Variants in SLC16A12 observed in about 807,000 individuals in gnomAD.
SLC16A12 encodes the protein solute carrier family 16 member 12.
SLC16A12 carries 17 observed loss-of-function variants against 42.4 expected under a neutral mutation model. The observed-to-expected ratio is 0.40, with a 90% CI of 0.27 to 0.60. The LOEUF is 0.60. Ranked by LOEUF, SLC16A12 falls within the 20% of genes least tolerant of loss-of-function variation. The probability of loss-of-function intolerance (pLI) is 0.42; values close to 1 mark genes in which losing one functional copy is unlikely to be tolerated. For synonymous variants in SLC16A12, 224 were observed against 229.4 expected (o/e 0.98, Z 0.21); for missense variants, 544 against 623.0 (o/e 0.87, Z 1.35).
chr10:89,443,813 C>T lies in SLC16A12; in HGVS notation c.247G>A (p.Asp83Asn). The T allele has an allele frequency of 6.2e-7, 1 of 1,613,986 alleles. No individual in the cohort carries two copies. The highest frequency in any genetic ancestry group is 1.3e-5 in the African/African-American group (1 of 75,024). ...FVEFQTYFTQ[D>N]YAQTAWIHSI... ...TGGATCCATGCCGTTTGTGCGTAATCCTGAGTGAAGTATGTCTGGAACTCC... is the reference window on the plus strand; with the variant it reads ...TGGATCCATGCCGTTTGTGCGTAATTCTGAGTGAAGTATGTCTGGAACTCC... The change falls in exon 4 of 8, where the codon GAT becomes AAT. Residue 83 changes from aspartate (D) to asparagine (N), a missense_variant. Transcript: ENST00000371790.
intron 2 of SLC16A12, among the ~76,000 whole-genome samples, chr10:89,480,590 A>C: frequency 6.6e-6 from 1 of 152,236 alleles, no homozygotes; most frequent in Admixed American, 6.5e-5. Flanking sequence ...TAGGTACAAA[A>C]AAATGCTTAA....
chr10:89,440,430 C>A (rs185997354), intron 5 of SLC16A12, among the ~76,000 whole-genome samples: 33 of 152,314 alleles, frequency 2.2e-4, no homozygotes, highest in Non-Finnish European at 1.8e-4. Flanking sequence ...AGGTTACGTC[C>A]TTTATTGACC....
intron 2 of SLC16A12, among the ~76,000 whole-genome samples, chr10:89,515,909 C>T (rs898671411): frequency 4.6e-5 from 7 of 152,136 alleles, no homozygotes; most frequent in African/African-American, 1.7e-4. Flanking sequence ...ACCAGTACTG[C>T]CTTGCAGAGC....
chr10:89,536,700 C>T (rs562673819), upstream of SLC16A12, among the ~76,000 whole-genome samples: 1 of 152,154 alleles, frequency 6.6e-6, no homozygotes, highest in South Asian at 2.1e-4. Context: ...AGACCAACAG[C>T]GAGGTCATCA....
intron 2 of SLC16A12, among the ~76,000 whole-genome samples, chr10:89,485,780 G>T (rs141441111): frequency 5.3e-5 from 8 of 152,302 alleles, no homozygotes; most frequent in African/African-American, 1.7e-4. Context: ...GGAGAGCAGC[G>T]TGTGTAGATC....
chr10:89,554,083 A>AAGGAAGGAAGGAAGGAAGGAAGGAAG (rs1843789966), intron 2 of SLC16A12, among the ~76,000 whole-genome samples: 8 of 53,270 alleles, frequency 1.5e-4, no homozygotes, highest in Non-Finnish European at 2.3e-4. Context: ...AAAGAAAGAA[A>AAGGAAGGAAGGAAGGAAGGAAGGAAG]GAAAGAAAGA....
chr10:89,433,409 G>T lies in SLC16A12; in HGVS notation c.1289-83C>A. 9 of 1,392,390 alleles carry T rather than the reference G, an allele frequency of 6.5e-6. No homozygotes were observed. In the South Asian group the frequency reaches 7.3e-5, roughly 11 times the overall value. The allele number at this position is 1,392,390 out of a possible 1,614,324, so 86.3% of individuals were successfully genotyped here. ...CTCTCAAATTCTAATGATTTGTAAG[G>T]ATAATAATAGATCGATAGCACCACC... On this transcript the variant is annotated intron_variant, in intron 7 of 7. Coordinates refer to ENST00000371790, the MANE Select transcript of SLC16A12 (RefSeq NM_213606.4).
chr10:89,482,038 A>G (rs1026408877), intron 2 of SLC16A12, among the ~76,000 whole-genome samples: 17 of 152,310 alleles, frequency 1.1e-4, no homozygotes, highest in Non-Finnish European at 2.1e-4. Context: ...TAGTTTTAGA[A>G]TCTTTGAATG....
intron 2 of SLC16A12, among the ~76,000 whole-genome samples, chr10:89,463,238 A>C (rs10887964): frequency 0.24 from 36,728 of 152,088 alleles, 4,715 homozygotes; most frequent in African/African-American, 0.3. Context: ...TATAACATAG[A>C]CTAATTATTA....
chr10:89,542,944 C>T (rs772634543), intron 2 of SLC16A12, among the ~76,000 whole-genome samples: 14 of 152,144 alleles, frequency 9.2e-5, no homozygotes, highest in African/African-American at 1.4e-4. Context: ...TCTGTGAAGT[C>T]GCCATGCACA....
chr10:89,504,879 A>G (rs1364583573), intron 2 of SLC16A12, among the ~76,000 whole-genome samples: 1 of 152,182 alleles, frequency 6.6e-6, no homozygotes, highest in Non-Finnish European at 1.5e-5. Flanking sequence ...AGGAACATGC[A>G]GCCCCGAGCA....
intron 2 of SLC16A12, among the ~76,000 whole-genome samples, chr10:89,507,710 T>C (rs781287871): frequency 2.0e-4 from 30 of 152,146 alleles, no homozygotes; most frequent in Non-Finnish European, 3.8e-4. Flanking sequence ...AATGACAGGA[T>C]CAAATTCACA....
intron 2 of SLC16A12, among the ~76,000 whole-genome samples, chr10:89,479,129 G>A (rs1842624360): frequency 6.6e-6 from 1 of 152,224 alleles, no homozygotes; most frequent in Non-Finnish European, 1.5e-5. Context: ...ATAGCCGCAT[G>A]TTTAGTACCT....
intron 3 of SLC16A12, among the ~76,000 whole-genome samples, chr10:89,453,989 AC>A (rs2133722201): frequency 6.7e-6 from 1 of 149,082 alleles, no homozygotes; most frequent in Non-Finnish European, 1.5e-5. Flanking sequence ...TCTCTCTTTA[AC>A]CTTTTTACTT....
At chr10:89,440,599 A>G (rs1485071950) in intron 5 of SLC16A12, among the ~76,000 whole-genome samples, 3 of 152,192 alleles carry the variant, frequency 2.0e-5, no homozygotes, top group Non-Finnish European at 4.4e-5. Flanking sequence ...TTTCCATGGC[A>G]TTTATTATGA....
intron 3 of SLC16A12, among the ~76,000 whole-genome samples, chr10:89,453,636 G>A (rs759132677): frequency 6.6e-6 from 1 of 152,112 alleles, no homozygotes; most frequent in Non-Finnish European, 1.5e-5. Flanking sequence ...TGCAGTACGC[G>A]CTACTTTCTA....
At chr10:89,488,243 A>T (rs1842793408) in intron 2 of SLC16A12, among the ~76,000 whole-genome samples, 1 of 152,014 alleles carries the variant, frequency 6.6e-6, no homozygotes, top group Non-Finnish European at 1.5e-5. Flanking sequence ...AAATTTTTTT[A>T]AAAGATCCAT....
intron 2 of SLC16A12, among the ~76,000 whole-genome samples, chr10:89,487,411 A>T (rs1412353879): frequency 6.6e-6 from 1 of 152,102 alleles, no homozygotes; most frequent in Non-Finnish European, 1.5e-5. Flanking sequence ...AGTTAATAAA[A>T]CCTCTATGGA....
intron 2 of SLC16A12, among the ~76,000 whole-genome samples, chr10:89,523,268 G>A (rs866896332): frequency 7.2e-5 from 11 of 152,146 alleles, no homozygotes; most frequent in African/African-American, 2.4e-4. Flanking sequence ...TGGCTCTCAC[G>A]GATTAGAATC....
Sources: allele counts gnomAD v4.1 joint callset (sites outside exome capture counted in the v4.1 genomes callset), GRCh38; gene constraint gnomAD v4.1.1; transcripts MANE v1.5; gene names NCBI Gene and HGNC (gene_info 2026-07-23, HGNC 2026-07-21).